The following TXNL4A variants were observed in gnomAD, a reference collection of about 807,000 sequenced individuals.
TXNL4A encodes the protein thioredoxin-like protein 4A.
Under a neutral mutation model 14.6 loss-of-function variants are expected in TXNL4A, and 17 were observed. The ratio of observed to expected loss-of-function variants is 1.16; its 90% confidence interval spans 0.80 to 1.74. The LOEUF (loss-of-function observed/expected upper bound fraction) is 1.74. TXNL4A is among the 40% of genes most tolerant of loss of function. TXNL4A has a pLI of 0.00. For synonymous variants in TXNL4A, 83 were observed against 70.6 expected (o/e 1.18, Z -0.88); for missense variants, 74 against 195.2 (o/e 0.38, Z 3.70).
At chr18:80,029,041 T>C (rs766845487) in intron 1 of TXNL4A, among the ~76,000 whole-genome samples, 3 of 152,142 alleles carry the variant, frequency 2.0e-5, no homozygotes, top group Non-Finnish European at 4.4e-5. Context: ...CTTAGAAACA[T>C]GTTGAAAGAA....
At chr18:79,986,617 CTG>C (rs1429466066) in intron 1 of TXNL4A, 67 of 985,328 alleles carry the variant, frequency 6.8e-5, no homozygotes, top group Non-Finnish European at 7.8e-5. Flanking sequence ...CACATAAAAT[CTG>C]TTTTCTAGCT....
chr18:80,027,563 G>A (rs186834396), intron 1 of TXNL4A, among the ~76,000 whole-genome samples: 1 of 152,266 alleles, frequency 6.6e-6, no homozygotes, highest in Non-Finnish European at 1.5e-5. Flanking sequence ...ATATGTGGAC[G>A]GTAATGCCTC....
chr18:80,030,901 A>C (rs1432304546), intron 1 of TXNL4A, among the ~76,000 whole-genome samples: 2 of 152,170 alleles, frequency 1.3e-5, no homozygotes, highest in Non-Finnish European at 2.9e-5. Context: ...CGGGAGTTGG[A>C]GGTTGCAGTG....
intron 1 of TXNL4A, among the ~76,000 whole-genome samples, chr18:80,013,674 G>A (rs1401073267): frequency 1.3e-5 from 2 of 149,728 alleles, no homozygotes; most frequent in Non-Finnish European, 3.0e-5. Flanking sequence ...TCGAACTCCT[G>A]ACCTCGTGAT....
rs199988405 is a variant in TXNL4A at position 79,973,655 on chromosome 18, C to G, written c.*30G>C. On this transcript the variant is annotated 3_prime_UTR_variant, in exon 3 of 3. Coordinates refer to ENST00000269601, the MANE Select transcript of TXNL4A (RefSeq NM_006701.5). ...ACGTTTCCATACAAAAAGGGCTCCACGACATTTATCCGCGCAGACTGAGGG... is the reference window on the plus strand; with the variant it reads ...ACGTTTCCATACAAAAAGGGCTCCAGGACATTTATCCGCGCAGACTGAGGG... 1 of 1,579,454 alleles carries G rather than the reference C, an allele frequency of 6.3e-7. No individual in the cohort carries two copies.
chr18:80,000,916 A>C (rs1212471643), intron 1 of TXNL4A, among the ~76,000 whole-genome samples: 1 of 152,222 alleles, frequency 6.6e-6, no homozygotes, highest in Admixed American at 6.5e-5. Context: ...GGCCTCCCAA[A>C]GTGCTGGAAT....
At position 80,033,296 on chromosome 18, in the gene TXNL4A, CA is replaced by C. The variant is rs1340514112; in HGVS notation, c.-61+554del. ...ACATGTACACATCCACACGCGCCCA[CA>C]CACACACACACACACAGACGTGTCT... On this transcript the variant is annotated intron_variant, in intron 1 of 2. Transcript: ENST00000585474. Among the ~76,000 whole-genome samples the C allele has an allele frequency of 6.3e-4, 6 of 9,490 alleles. No homozygotes were observed. The Admixed American group carries it at 6.6e-3, about 10-fold the overall frequency. 6.2% of individuals were successfully genotyped at this position (9,490 alleles called of 152,430 possible). A position where few individuals can be genotyped will look rare whatever the true frequency, so the allele number is the denominator to read the frequency against.
At chr18:80,032,401 A>G (rs1482068835) in intron 1 of TXNL4A, among the ~76,000 whole-genome samples, 1 of 152,270 alleles carries the variant, frequency 6.6e-6, no homozygotes, top group Non-Finnish European at 1.5e-5. Flanking sequence ...AAATTCACTT[A>G]GCCAAAGGGA....
At position 80,024,471 on chromosome 18, in the gene TXNL4A, G is replaced by GC. The variant is rs1477699824; in HGVS notation, c.-61+9379dup. Among the ~76,000 whole-genome samples the GC allele has an allele frequency of 2.9e-5, 4 of 140,176 alleles. 1 individual carries two copies. In the East Asian group the frequency reaches 8.0e-4, roughly 28 times the overall value. 92.0% of individuals were successfully genotyped at this position (140,176 alleles called of 152,430 possible). On this transcript the variant is annotated intron_variant, in intron 1 of 2. Transcript: ENST00000585474. Reference sequence around the variant, plus strand: ...TTAACTGTTTTTGTTGCTTGTCTCTGCTTTGTGTGTGTGTGTATGTGTATA... The same window carrying GC: ...TTAACTGTTTTTGTTGCTTGTCTCTGCCTTTGTGTGTGTGTGTATGTGTATA...
intron 1 of TXNL4A, among the ~76,000 whole-genome samples, chr18:79,985,063 C>T (rs539301772): frequency 4.6e-5 from 7 of 151,478 alleles, no homozygotes; most frequent in Admixed American, 3.3e-4. Context: ...TCTCCTGTGA[C>T]GGTGTTCCTA....
chr18:80,018,892 A>G (rs1287832151), intron 1 of TXNL4A, among the ~76,000 whole-genome samples: 1 of 152,234 alleles, frequency 6.6e-6, no homozygotes, highest in African/African-American at 2.4e-5. Context: ...TGCCACCAGT[A>G]TCTTTGCTAA....
At chr18:80,019,840 A>G (rs2051836464) in intron 1 of TXNL4A, among the ~76,000 whole-genome samples, 1 of 152,214 alleles carries the variant, frequency 6.6e-6, no homozygotes, top group Admixed American at 6.5e-5. Context: ...TCTTACCCTC[A>G]GGGTGTGTGT....
chr18:79,992,628 C>T (rs954318259), upstream of TXNL4A, among the ~76,000 whole-genome samples: 71 of 152,264 alleles, frequency 4.7e-4, no homozygotes, highest in Admixed American at 3.2e-3. Flanking sequence ...ATAACCTACA[C>T]GCCTCCCCCA....
intron 1 of TXNL4A, among the ~76,000 whole-genome samples, chr18:79,983,062 G>A (rs561708814): frequency 5.9e-5 from 9 of 152,210 alleles, no homozygotes; most frequent in African/African-American, 1.2e-4. Context: ...GCAGAGTGGC[G>A]TGATCTCGGC....
rs527971644 is a variant in TXNL4A, at chr18:80,011,966, C to T, written c.-61+21885G>A. Among the ~76,000 whole-genome samples, 1 of 152,192 alleles carries T rather than the reference C, an allele frequency of 6.6e-6. No individual in the cohort carries two copies. The highest frequency in any genetic ancestry group is 2.1e-4 in the South Asian group (1 of 4,808). ...TTCTCCTTCACTGATTAATCCTTTTCCTCATCCCTTCCTCCCCCTCCCATC... is the reference window on the plus strand; with the variant it reads ...TTCTCCTTCACTGATTAATCCTTTTTCTCATCCCTTCCTCCCCCTCCCATC... On this transcript the variant is annotated intron_variant, in intron 1 of 2. Transcript: ENST00000585474. This position sits in a 1 kb window ranked among gnomAD's most constrained non-coding sequence, Gnocchi z 4.1.
intron 1 of TXNL4A, among the ~76,000 whole-genome samples, chr18:79,999,966 C>T (rs895717430): frequency 6.6e-6 from 1 of 152,226 alleles, no homozygotes; most frequent in Admixed American, 6.5e-5. Context: ...TGCCTTTCCC[C>T]TTCCACCATG....
chr18:80,012,320 T>C (rs570424875), intron 1 of TXNL4A, among the ~76,000 whole-genome samples: 1 of 152,332 alleles, frequency 6.6e-6, no homozygotes, highest in East Asian at 1.9e-4. Flanking sequence ...TAGAGATAAG[T>C]GACCTTCCGT....
chr18:79,994,128 A>G (rs1376792237), intron 1 of TXNL4A, among the ~76,000 whole-genome samples: 1 of 152,210 alleles, frequency 6.6e-6, no homozygotes, highest in Non-Finnish European at 1.5e-5. Flanking sequence ...AACTCCGGCC[A>G]GGTACATGCA....
chr18:80,005,528 CAG>C (rs1443917040), intron 1 of TXNL4A, among the ~76,000 whole-genome samples: 1 of 152,204 alleles, frequency 6.6e-6, no homozygotes, highest in Admixed American at 6.5e-5. Context: ...GGCCTAGTAA[CAG>C]AGAATCCTAC....
Sources: gnomAD v4.1 joint callset for allele counts (sites outside exome capture counted in the v4.1 genomes callset) on GRCh38, gnomAD v4.1.1 for gene constraint, Gnocchi (gnomAD v3.1) non-coding constraint, MANE v1.5 for transcripts, NCBI Gene and HGNC (gene_info 2026-07-23, HGNC 2026-07-21) for gene names.